The following RTF1 variants were observed in gnomAD, a reference collection of about 807,000 sequenced individuals.
RTF1 encodes RTF1 homolog, Paf1/RNA polymerase II complex component.
Under a neutral mutation model 95.7 loss-of-function variants are expected in RTF1, and 10 were observed. The observed-to-expected ratio is 0.10, with a 90% confidence interval of 0.06 to 0.18. RTF1 has a LOEUF of 0.18. Among genes scored for constraint, RTF1 ranks in the 10% least tolerant of loss-of-function variants. RTF1 has a pLI of 1.00. For missense variants in RTF1, 458 were observed against 875.6 expected (o/e 0.52, Z 6.02); for synonymous variants, 305 against 311.8 (o/e 0.98, Z 0.23).
In RTF1 at chr15:41,481,170, A is replaced by G. The variant is rs968323750; in HGVS notation, c.*483A>G. 2.2e-5 allele frequency: 3 copies of G among 133,398 alleles called. No individual in the cohort carries two copies. The highest frequency in any genetic ancestry group is 2.4e-4 in the East Asian group (1 of 4,122). 8.3% of individuals were successfully genotyped at this position (133,398 alleles called of 1,614,324 possible). ...ACCTGCGATCCTCTTTCCTCTCTTC[A>G]TCTTTCTCTTCTGCCCTTCTTTTTG... On this transcript the variant is annotated 3_prime_UTR_variant, in exon 18 of 18. Transcript: ENST00000389629.
At chr15:41,443,020 A>C (rs181198865) in intron 2 of RTF1, among the ~76,000 whole-genome samples, 1 of 152,336 alleles carries the variant, frequency 6.6e-6, no homozygotes, top group Admixed American at 6.5e-5. Flanking sequence ...TGAGCCATTA[A>C]TATAGGTAGA....
chr15:41,476,523 G>A lies in RTF1; in HGVS notation c.1560G>A (p.Lys520=). The A allele has an allele frequency of 6.2e-7, 1 of 1,612,466 alleles. No homozygotes were observed. The highest frequency in any genetic ancestry group is 8.5e-7 in the Non-Finnish European group (1 of 1,178,626). ...AGAAGACTCAGCTACTGAAGGAAAAGGTAAGGAGTTGTACTCGAGCCTCTT... is the reference window on the plus strand; with the variant it reads ...AGAAGACTCAGCTACTGAAGGAAAAAGTAAGGAGTTGTACTCGAGCCTCTT... ...AMKKTQLLKE[K]AMAEDLGDQD... The change falls in exon 12 of 18, where the codon AAG becomes AAA. Residue 520 remains lysine (K), a splice_region_variant and synonymous_variant. Transcript: ENST00000389629.
intron 1 of RTF1, among the ~76,000 whole-genome samples, chr15:41,429,920 A>C (rs1042114805): frequency 6.6e-6 from 1 of 150,920 alleles, no homozygotes; most frequent in Non-Finnish European, 1.5e-5. Flanking sequence ...CCCATACTTG[A>C]TTTTAAATTC....
At chr15:41,447,880 G>A (rs900294189) in intron 2 of RTF1, among the ~76,000 whole-genome samples, 27 of 152,192 alleles carry the variant, frequency 1.8e-4, no homozygotes, top group African/African-American at 6.3e-4. Context: ...TCTCAAAACA[G>A]ATTAAGAAGT....
intron 12 of RTF1, among the ~76,000 whole-genome samples, chr15:41,476,803 A>T (rs2050943863): frequency 6.6e-6 from 1 of 152,234 alleles, no homozygotes; most frequent in Non-Finnish European, 1.5e-5. Context: ...TTTAACACTG[A>T]GTCTGAACAG....
At chr15:41,446,353 G>A (rs1180885228) in intron 2 of RTF1, among the ~76,000 whole-genome samples, 4 of 151,930 alleles carry the variant, frequency 2.6e-5, no homozygotes, top group Admixed American at 1.3e-4. Context: ...GGCGGATCAC[G>A]AGGTCAGGAG....
intron 3 of RTF1, among the ~76,000 whole-genome samples, 160 bp from the exon 4 acceptor site, chr15:41,457,512 C>A (rs576438860): frequency 7.2e-5 from 11 of 152,084 alleles, no homozygotes; most frequent in Non-Finnish European, 1.2e-4. Flanking sequence ...GCAATAAGAG[C>A]AAAACTCCAT....
At chr15:41,466,305 T>C in intron 6 of RTF1, 53 bp downstream of exon 6, 1 of 1,206,242 alleles carries the variant, frequency 8.3e-7, no homozygotes, top group Non-Finnish European at 1.1e-6. Flanking sequence ...TTTGACTTCC[T>C]GGTGTCCATT....
intron 1 of RTF1, among the ~76,000 whole-genome samples, chr15:41,428,257 C>CGT (rs2050647933): frequency 1.0e-5 from 1 of 95,936 alleles, no homozygotes; most frequent in East Asian, 3.2e-4. Context: ...ACTGATATCC[C>CGT]TTTTTTTTTT....
intron 3 of RTF1, among the ~76,000 whole-genome samples, chr15:41,456,945 G>A (rs1235111273): frequency 3.9e-5 from 6 of 152,110 alleles, no homozygotes; most frequent in Non-Finnish European, 5.9e-5. Flanking sequence ...TCAGCTGGAC[G>A]TGGTGGCGTG....
chr15:41,422,482 C>T (rs768501313), intron 1 of RTF1, among the ~76,000 whole-genome samples: 6 of 152,118 alleles, frequency 3.9e-5, no homozygotes, highest in African/African-American at 7.2e-5. Context: ...TCTATGTCAT[C>T]TCCCTTTATG....
chr15:41,432,517 C>T (rs888220339), intron 1 of RTF1, among the ~76,000 whole-genome samples: 1 of 151,874 alleles, frequency 6.6e-6, no homozygotes, highest in African/African-American at 2.4e-5. Flanking sequence ...GTATGTAGAG[C>T]GGAACCTCCT....
At chr15:41,438,858 C>T (rs1374297015) in intron 2 of RTF1, among the ~76,000 whole-genome samples, 1 of 148,772 alleles carries the variant, frequency 6.7e-6, no homozygotes, top group Non-Finnish European at 1.5e-5. Flanking sequence ...AAGACTCTGT[C>T]TCAAAAAAAA....
chr15:41,445,290 A>C (rs1256326327), intron 2 of RTF1, among the ~76,000 whole-genome samples: 2 of 152,206 alleles, frequency 1.3e-5, no homozygotes, highest in South Asian at 2.1e-4. Context: ...AATAGACAGT[A>C]ACACCTTATC....
At chr15:41,442,452 C>T (rs143459468) in intron 2 of RTF1, among the ~76,000 whole-genome samples, 3 of 151,112 alleles carry the variant, frequency 2.0e-5, no homozygotes, top group Non-Finnish European at 4.4e-5. Context: ...CAGGTGTGAG[C>T]CACCATCATA....
At chr15:41,458,310 G>A (rs900227057) in intron 4 of RTF1, among the ~76,000 whole-genome samples, 3 of 152,168 alleles carry the variant, frequency 2.0e-5, no homozygotes, top group Non-Finnish European at 4.4e-5. Context: ...CTAAATACTA[G>A]TTGAGTGAAT....
chr15:41,439,020 T>C (rs1168327593), intron 2 of RTF1, among the ~76,000 whole-genome samples: 2 of 150,950 alleles, frequency 1.3e-5, no homozygotes, highest in Non-Finnish European at 2.9e-5. Context: ...AGTAATCCTA[T>C]TTTTTCTTTT....
chr15:41,470,850 G>A (rs2050907834), intron 7 of RTF1, among the ~76,000 whole-genome samples: 1 of 151,836 alleles, frequency 6.6e-6, no homozygotes, highest in African/African-American at 2.4e-5. Context: ...AATAGAGACA[G>A]GGTTTCACTG....
chr15:41,425,220 G>A (rs1211652503), intron 1 of RTF1, among the ~76,000 whole-genome samples: 3 of 152,022 alleles, frequency 2.0e-5, no homozygotes, highest in Non-Finnish European at 2.9e-5. Context: ...TCCTGCCTCA[G>A]CCTCCCGAGT....
Sources: gnomAD v4.1 joint callset for allele counts (sites outside exome capture counted in the v4.1 genomes callset) on GRCh38, gnomAD v4.1.1 for gene constraint, MANE v1.5 for transcripts, NCBI Gene and HGNC (gene_info 2026-07-23, HGNC 2026-07-21) for gene names.